Variants in ASXL1 observed in about 807,000 individuals in gnomAD.
The protein encoded by ASXL1 is ASXL transcriptional regulator 1.
A neutral mutation model predicts 89.1 loss-of-function variants in ASXL1; 65 were observed. That is an observed-to-expected ratio of 0.73 (90% CI 0.60 to 0.90). ASXL1 has a LOEUF of 0.90. Among genes scored for constraint, ASXL1 ranks in the 40% least tolerant of loss-of-function variants. The probability of loss-of-function intolerance (pLI) is 0.00; values close to 1 mark genes in which losing one functional copy is unlikely to be tolerated. For synonymous variants in ASXL1, 739 were observed against 746.9 expected (o/e 0.99, Z 0.17); for missense variants, 1,786 against 1,942.9 (o/e 0.92, Z 1.52).
intron 1 of ASXL1, among the ~76,000 whole-genome samples, chr20:32,365,755 G>A (rs1036599441): frequency 2.0e-5 from 3 of 152,210 alleles, no homozygotes; most frequent in African/African-American, 7.2e-5. Flanking sequence ...CACCAGTCAT[G>A]CAGAATCATA....
At chr20:32,372,610 T>C (rs967828021) in intron 4 of ASXL1, 1 of 205,364 alleles carries the variant, frequency 4.9e-6, no homozygotes, top group Non-Finnish European at 9.1e-6. Context: ...ATTTTTTTTT[T>C]CTGAGACAGA....
chr20:32,379,985 A>G (rs1044283011), intron 4 of ASXL1, among the ~76,000 whole-genome samples: 2 of 148,130 alleles, frequency 1.4e-5, no homozygotes, highest in African/African-American at 5.0e-5. Flanking sequence ...AAAAAACTTA[A>G]TAAAAGAAAT....
intron 4 of ASXL1, among the ~76,000 whole-genome samples, chr20:32,416,470 G>T (rs905920992): frequency 6.6e-6 from 1 of 152,090 alleles, no homozygotes; most frequent in South Asian, 2.1e-4. Context: ...TTAATTTAAC[G>T]TGCATCCTCC....
rs2123234485 is a variant in ASXL1 at position 32,431,392 on chromosome 20, C to T, written c.790C>T (p.Leu264Phe). 1 of 1,614,210 alleles carries T rather than the reference C, an allele frequency of 6.2e-7. No homozygotes were observed. Among genetic ancestry groups the T allele is most frequent in the Non-Finnish European group, 8.5e-7 (1 of 1,180,032 alleles). The part of the protein sequence containing the change: ...TPGSILVNTN[L>F]RALINSRTFH... ...TGGGTCCATTCTTGTCAACACCAAC[C>T]TCCGTGCCCTGATCAACTCTCGGAC... Residue 264 changes from leucine to phenylalanine, a missense_variant, in exon 9 of 13, where the codon CTC (leucine) becomes TTC (phenylalanine). Leu to Phe is a conservative substitution (Grantham distance 22, BLOSUM62 0). Coordinates refer to ENST00000375687, the MANE Select transcript of ASXL1 (RefSeq NM_015338.6).
intron 4 of ASXL1, among the ~76,000 whole-genome samples, chr20:32,412,291 G>C (rs1183414461): frequency 6.6e-6 from 1 of 152,086 alleles, no homozygotes; most frequent in Non-Finnish European, 1.5e-5. Flanking sequence ...CTACCTACTT[G>C]CTCAGTTTTA....
At chr20:32,419,145 A>G (rs1418589143) in intron 4 of ASXL1, among the ~76,000 whole-genome samples, 1 of 151,616 alleles carries the variant, frequency 6.6e-6, no homozygotes, top group East Asian at 1.9e-4. Flanking sequence ...TGACATCTTT[A>G]TGATATAAAA....
At chr20:32,424,771 GA>G (rs1381087649) in intron 4 of ASXL1, among the ~76,000 whole-genome samples, 2 of 152,132 alleles carry the variant, frequency 1.3e-5, no homozygotes, top group African/African-American at 4.8e-5. Context: ...TTCCTTGAAG[GA>G]AATACCTTAA....
chr20:32,397,199 C>A (rs2048779835), intron 4 of ASXL1, among the ~76,000 whole-genome samples: 1 of 133,122 alleles, frequency 7.5e-6, no homozygotes, highest in African/African-American at 2.7e-5. Flanking sequence ...GGTAAGCCCC[C>A]ATGCCTGGCC....
chr20:32,416,100 T>C (rs1367162658), intron 4 of ASXL1, among the ~76,000 whole-genome samples: 1 of 152,200 alleles, frequency 6.6e-6, no homozygotes, highest in Non-Finnish European at 1.5e-5. Context: ...AATAGTTATA[T>C]GTATTTTGGG....
intron 4 of ASXL1, among the ~76,000 whole-genome samples, chr20:32,425,047 C>T (rs1422436203): frequency 6.6e-6 from 1 of 152,186 alleles, no homozygotes. Flanking sequence ...AGATTACCTA[C>T]CCGTCTTTGC....
At chr20:32,419,829 G>A (rs1027353116) in intron 4 of ASXL1, among the ~76,000 whole-genome samples, 14 of 151,740 alleles carry the variant, frequency 9.2e-5, no homozygotes, top group Non-Finnish European at 1.8e-4. Flanking sequence ...ACAGGCGTGC[G>A]CTACCACGCC....
chr20:32,404,340 G>A (rs762571328), intron 4 of ASXL1, among the ~76,000 whole-genome samples: 2 of 152,012 alleles, frequency 1.3e-5, no homozygotes, highest in Non-Finnish European at 2.9e-5. Context: ...CATTTCATAG[G>A]TTTTAGCATG....
Position 32,431,605 on chromosome 20 carries a change from G to A in ASXL1, c.905G>A (p.Arg302His), listed in dbSNP as rs769717271. 2.2e-5 allele frequency: 35 copies of A among 1,613,970 alleles called. No homozygotes were observed. The highest frequency in any genetic ancestry group is 7.7e-5 in the South Asian group (7 of 91,076). ...TAGGTGGGGACGGATGGCCTGTTGC[G>A]TCTCAGCAGCAGTGCACTAAATAAC... is the stretch of plus-strand genomic sequence containing the variant. ...DRQVGTDGLLRLSSSALNNEF... is the reference protein window; with the variant it reads ...DRQVGTDGLLHLSSSALNNEF... The change falls in exon 10 of 13, where the codon CGT becomes CAT. Residue 302 changes from arginine to histidine, a missense_variant. This residue lies in a region of ASXL1 where 332 missense variants were observed against 449.7 expected (regional missense o/e 0.74). Coordinates refer to ENST00000375687, the MANE Select transcript of ASXL1 (RefSeq NM_015338.6).
Position 32,437,600 on chromosome 20 carries a change from C to A in ASXL1, c.*262C>A. On this transcript the variant is annotated 3_prime_UTR_variant, in exon 13 of 13. Transcript: ENST00000375687. ...TCCTGCAAGACAGAGCCTGATGTGG[C>A]ACGGAGTGGGGTTGCGGGGGGTGGG... 1.9e-6 allele frequency: 1 copy of A among 528,166 alleles called. No individual in the cohort carries two copies. Among genetic ancestry groups the A allele is most frequent in the East Asian group, 3.3e-5 (1 of 29,900 alleles). 32.7% of individuals were successfully genotyped at this position (528,166 alleles called of 1,614,324 possible).
chr20:32,395,396 G>A (rs1449958842), intron 4 of ASXL1, among the ~76,000 whole-genome samples: 4 of 152,044 alleles, frequency 2.6e-5, no homozygotes, highest in Middle Eastern at 3.4e-3. Flanking sequence ...GTTCTTCAGC[G>A]AGCAAATTTA....
intron 4 of ASXL1, among the ~76,000 whole-genome samples, chr20:32,378,157 T>TG (rs1491092247): frequency 3.6e-5 from 4 of 112,404 alleles, no homozygotes; most frequent in Admixed American, 9.8e-5. Flanking sequence ...GGCTGAGTAA[T>TG]TTGTGTGTGT....
chr20:32,371,552 G>A (rs2048301279), intron 4 of ASXL1, among the ~76,000 whole-genome samples: 1 of 152,076 alleles, frequency 6.6e-6, no homozygotes, highest in Non-Finnish European at 1.5e-5. Context: ...CTCCCAAACT[G>A]CCAGGATTAC....
intron 4 of ASXL1, among the ~76,000 whole-genome samples, chr20:32,400,621 A>G (rs2048856275): frequency 1.3e-5 from 2 of 152,178 alleles, no homozygotes; most frequent in South Asian, 2.1e-4. Context: ...GTTTCATCAC[A>G]CTATGGGCCA....
intron 4 of ASXL1, among the ~76,000 whole-genome samples, chr20:32,418,809 C>CTTTTTTTTTTTTTTTTTTTTTTTTTTT (rs71338437): frequency 1.8e-5 from 1 of 55,698 alleles, no homozygotes; most frequent in Non-Finnish European, 3.3e-5. Flanking sequence ...GAATTGACAT[C>CTTTTTTTTTTTTTTTTTTTTTTTTTTT]TTTTTTTTTT....
Sources: allele counts gnomAD v4.1 joint callset (sites outside exome capture counted in the v4.1 genomes callset), GRCh38; gene constraint gnomAD v4.1.1; regional missense constraint gnomAD v4.1.1; transcripts MANE v1.5; gene names NCBI Gene and HGNC (gene_info 2026-07-23, HGNC 2026-07-21).